The following TPD52 variants were observed in gnomAD, a reference collection of about 807,000 sequenced individuals.
TPD52 encodes tumor protein D52.
A neutral mutation model predicts 31.3 loss-of-function variants in TPD52; 17 were observed. The ratio of observed to expected loss-of-function variants is 0.54; its 90% CI spans 0.37 to 0.82. The LOEUF (loss-of-function observed/expected upper bound fraction) is 0.82, where lower values mean the gene tolerates loss of function less well. Among genes scored for constraint, TPD52 ranks in the 40% least tolerant of loss-of-function variants. The pLI, the probability that TPD52 is intolerant of heterozygous loss-of-function variation, is 0.00. For synonymous variants in TPD52, 83 were observed against 89.6 expected (o/e 0.93, Z 0.42); for missense variants, 212 against 240.1 (o/e 0.88, Z 0.77).
At chr8:80,134,291 T>C (rs999809043) in intron 1 of TPD52, among the ~76,000 whole-genome samples, 17 of 152,210 alleles carry the variant, frequency 1.1e-4, no homozygotes, top group Admixed American at 5.9e-4. Context: ...ACTGATAGTA[T>C]AGAGATGGGG....
At chr8:80,146,544 C>T (rs1810209827) in intron 1 of TPD52, among the ~76,000 whole-genome samples, 2 of 152,002 alleles carry the variant, frequency 1.3e-5, no homozygotes, top group African/African-American at 2.4e-5. Flanking sequence ...AGTGATGGTC[C>T]CATTATCTAT....
At chr8:80,155,827 G>A (rs1810927542) in intron 1 of TPD52, among the ~76,000 whole-genome samples, 2 of 150,980 alleles carry the variant, frequency 1.3e-5, no homozygotes, top group Admixed American at 6.6e-5. Context: ...AGGTTGCAGT[G>A]AGCCAAGATT....
chr8:80,127,637 G>A (rs914789934), intron 1 of TPD52: 1 of 152,094 alleles, frequency 6.6e-6, no homozygotes, highest in Admixed American at 6.6e-5. Flanking sequence ...GCACTGCCAA[G>A]AAGAAAAACC....
intron 2 of TPD52, among the ~76,000 whole-genome samples, chr8:80,061,385 C>CCCCCCAA (rs1484546324): frequency 9.8e-6 from 1 of 102,086 alleles, no homozygotes; most frequent in Non-Finnish European, 2.0e-5. Flanking sequence ...CCGCCCCCCC[C>CCCCCCAA]AAAAAAAAAA....
intron 1 of TPD52, among the ~76,000 whole-genome samples, chr8:80,145,203 A>G (rs1863436): frequency 0.51 from 77,555 of 152,044 alleles, 20,297 homozygotes; most frequent in East Asian, 0.79. Context: ...CTTACAAGAG[A>G]AAGGATTTCT....
chr8:80,049,900 T>C (rs1267242142), intron 5 of TPD52, among the ~76,000 whole-genome samples: 1 of 152,114 alleles, frequency 6.6e-6, no homozygotes, highest in African/African-American at 2.4e-5. Flanking sequence ...TATAAGCTAG[T>C]AAAACAAGTA....
At chr8:80,171,223 C>G in intron 1 of TPD52, 1 of 717,952 alleles carries the variant, frequency 1.4e-6, no homozygotes, top group South Asian at 1.5e-5. Context: ...ACATGCAGTC[C>G]CATCTGCCCC....
chr8:80,128,247 A>G (rs1808767922), intron 1 of TPD52, among the ~76,000 whole-genome samples: 1 of 151,918 alleles, frequency 6.6e-6, no homozygotes, highest in African/African-American at 2.4e-5. Context: ...ACTTTTATTC[A>G]TAGAAGGAAA....
At chr8:80,121,136 T>C (rs1346549149) in intron 1 of TPD52, among the ~76,000 whole-genome samples, 2 of 151,444 alleles carry the variant, frequency 1.3e-5, no homozygotes, top group Non-Finnish European at 2.9e-5. Flanking sequence ...CTTATTTATG[T>C]TGGTTTTCCC....
At chr8:80,103,382 C>G (rs955004582) in intron 1 of TPD52, among the ~76,000 whole-genome samples, 2 of 152,236 alleles carry the variant, frequency 1.3e-5, no homozygotes, top group African/African-American at 4.8e-5. Flanking sequence ...ATTTGTGTTG[C>G]TTCTGCAAAT....
intron 1 of TPD52, among the ~76,000 whole-genome samples, chr8:80,094,244 T>C (rs549276342): frequency 7.9e-5 from 12 of 151,822 alleles, no homozygotes; most frequent in Non-Finnish European, 7.4e-5. Flanking sequence ...ATTACTGTCA[T>C]GTCATCTCTG....
chr8:80,091,464 CAAAAA>C (rs58616020), intron 1 of TPD52, among the ~76,000 whole-genome samples: 1 of 121,872 alleles, frequency 8.2e-6, no homozygotes. Context: ...GACTCCATCT[CAAAAA>C]AAAAAAAAAA....
At chr8:80,088,509 G>A (rs1040829287) in intron 1 of TPD52, among the ~76,000 whole-genome samples, 1 of 152,134 alleles carries the variant, frequency 6.6e-6, no homozygotes, top group Non-Finnish European at 1.5e-5. Flanking sequence ...AGGCCGTGGG[G>A]AGCCAAGTCG....
intron 1 of TPD52, among the ~76,000 whole-genome samples, chr8:80,099,596 C>T (rs928727374): frequency 9.3e-5 from 14 of 149,792 alleles, no homozygotes; most frequent in African/African-American, 2.7e-4. Context: ...CTGCAACCTC[C>T]GCCTCCCAGG....
At position 80,064,573 on chromosome 8, in the gene TPD52, C is replaced by G; in HGVS notation, c.40G>C (p.Val14Leu). The change falls in exon 2 of 8, where the codon GTC becomes CTC. Residue 14 changes from valine to leucine, a missense_variant. By Grantham distance (32) the Val-to-Leu change is conservative. Transcript: ENST00000518937. ...GEQGLLRTDP[V>L]PEEGEDVAAT... ...GCAACATCTTCTCCTTCCTCAGGGA[C>G]TGGGTCTGTTCTCAGCAGACCTGGT... is the stretch of plus-strand genomic sequence containing the variant. The G allele has an allele frequency of 3.1e-6, 5 of 1,614,120 alleles. No homozygotes were observed. In the East Asian group the frequency reaches 1.1e-4, roughly 36 times the overall value.
intron 1 of TPD52, among the ~76,000 whole-genome samples, chr8:80,099,506 C>T (rs1806572274): frequency 2.1e-5 from 3 of 145,058 alleles, no homozygotes; most frequent in Non-Finnish European, 4.5e-5. Flanking sequence ...GGTGGTCTAA[C>T]ATCTTTTTTT....
intron 1 of TPD52, chr8:80,080,235 C>A: frequency 7.4e-7 from 1 of 1,348,052 alleles, no homozygotes; most frequent in South Asian, 1.3e-5. Flanking sequence ...TTTACACTAA[C>A]AATTTTAAAG....
At chr8:80,056,193 G>T (rs1563577296) in intron 2 of TPD52, among the ~76,000 whole-genome samples, 1 of 152,164 alleles carries the variant, frequency 6.6e-6, no homozygotes, top group Non-Finnish European at 1.5e-5. Flanking sequence ...CCATAAAAAA[G>T]AATGAAATCC....
chr8:80,094,264 G>A (rs1816515619), intron 1 of TPD52, among the ~76,000 whole-genome samples: 1 of 151,306 alleles, frequency 6.6e-6, no homozygotes, highest in South Asian at 2.1e-4. Context: ...GAAAGATCAA[G>A]TTAACAATGT....
Sources: allele counts gnomAD v4.1 joint callset (sites outside exome capture counted in the v4.1 genomes callset), GRCh38; gene constraint gnomAD v4.1.1; transcripts MANE v1.5; gene names NCBI Gene and HGNC (gene_info 2026-07-23, HGNC 2026-07-21).